The following ZNF2 variants were observed in gnomAD, a reference collection of about 807,000 sequenced individuals.
ZNF2 encodes the protein zinc finger protein 2.2.
In ZNF2, 12 loss-of-function variants were observed where a neutral mutation model predicts 21.9. That is an observed-to-expected ratio of 0.55 (90% CI 0.35 to 0.89). The LOEUF is 0.89. Ranked by LOEUF, ZNF2 falls within the 40% of genes least tolerant of loss-of-function variation. The pLI is 0.01. For synonymous variants in ZNF2, 186 were observed against 196.3 expected (o/e 0.95, Z 0.44); for missense variants, 462 against 544.2 (o/e 0.85, Z 1.50).
chr2:95,169,527 G>A (rs1464757518), intron 1 of ZNF2, among the ~76,000 whole-genome samples: 1 of 152,122 alleles, frequency 6.6e-6, no homozygotes, highest in African/African-American at 2.4e-5. Context: ...TGCCAAGGTG[G>A]GGAGATCACC....
intron 3 of ZNF2, among the ~76,000 whole-genome samples, chr2:95,177,981 C>T (rs927153423): frequency 6.6e-6 from 1 of 152,164 alleles, no homozygotes; most frequent in African/African-American, 2.4e-5. Context: ...GCCCAGTTCT[C>T]CCAGTTCGCC....
At chr2:95,177,372 T>C in intron 2 of ZNF2, 111 bp from the exon 3 acceptor site, 1 of 1,331,848 alleles carries the variant, frequency 7.5e-7, no homozygotes, top group Non-Finnish European at 1.0e-6. Flanking sequence ...TCAGAACTGT[T>C]TTTCTTTCCT....
At position 95,182,033 on chromosome 2, in the gene ZNF2, G is replaced by A; in HGVS notation, c.1205G>A (p.Cys402Tyr). 2.5e-6 allele frequency: 4 copies of A among 1,613,954 alleles called. No individual in the cohort carries two copies. Among genetic ancestry groups the A allele is most frequent in the Non-Finnish European group, 8.5e-7 (1 of 1,179,798 alleles). The change falls in exon 5 of 5, where the codon TGT (cysteine) becomes TAT (tyrosine). Residue 402 changes from cysteine to tyrosine, a missense_variant. Transcript: ENST00000614034. The part of the protein sequence containing the change: ...TGEKPFECTV[C>Y]GKVFSSKSSV... The stretch of plus-strand genomic sequence containing the variant: ...GAGAAGCCCTTTGAATGCACTGTGT[G>A]TGGGAAAGTTTTCAGTTCAAAATCT...
Position 95,180,225 on chromosome 2 carries a change from A to G in ZNF2, c.227A>G (p.Asp76Gly). Residue 76 changes from aspartate (D) to glycine (G), a missense_variant, in exon 4 of 5, where the codon GAT becomes GGT. Physicochemically the swap from Asp to Gly is moderately conservative, Grantham distance 94 (BLOSUM62 -1). Transcript: ENST00000614034. Reference sequence around the variant, plus strand: ...AGAGGGGACAAGCCGTGGATGGTAGATCTTCATGGGTCTGAGGAGAGAGAA... The same window carrying G: ...AGAGGGGACAAGCCGTGGATGGTAGGTCTTCATGGGTCTGAGGAGAGAGAA... ...LKRGDKPWMV[D>G]LHGSEEREWP... 1 of 1,614,096 alleles carries G rather than the reference A, an allele frequency of 6.2e-7. No homozygotes were observed. Among genetic ancestry groups the G allele is most frequent in the Non-Finnish European group, 8.5e-7 (1 of 1,180,002 alleles).
rs781079960 is a variant in ZNF2, at chr2:95,181,996, G to A, written c.1168G>A (p.Val390Ile). The A allele has an allele frequency of 2.8e-5, 46 of 1,614,278 alleles. No homozygotes were observed. The highest frequency in any genetic ancestry group is 3.7e-5 in the Non-Finnish European group (44 of 1,180,054). The change falls in exon 5 of 5, where the codon GTC becomes ATC. Residue 390 changes from valine to isoleucine, a missense_variant. Physicochemically the swap from Val to Ile is conservative, Grantham distance 29 (BLOSUM62 3). Coordinates refer to ENST00000614034, the MANE Select transcript of ZNF2 (RefSeq NM_021088.4). ...QRCRLTRHQR[V>I]HTGEKPFECT... ...GTGCCGGCTCACGCGGCATCAGCGT[G>A]TCCACACGGGAGAGAAGCCCTTTGA...
chr2:95,182,083 T>TATA lies in ZNF2; in HGVS notation c.1256_1257insTAA (p.Tyr419_Ala420insAsn). The TATA allele has an allele frequency of 6.2e-7, 1 of 1,608,580 alleles. No individual in the cohort carries two copies. Among genetic ancestry groups the TATA allele is most frequent in the African/African-American group, 1.3e-5 (1 of 74,962 alleles). ...TTCTGTTATTCAACATCAACGGCGTTACGCCAAACAGGGAATAGACTGAGT... is the reference window on the plus strand; with the variant it reads ...TTCTGTTATTCAACATCAACGGCGTTATAACGCCAAACAGGGAATAGACTGAGT... On this transcript the variant is annotated inframe_insertion, in exon 5 of 5. Transcript: ENST00000614034.
chr2:95,176,378 A>C, intron 2 of ZNF2, 119 bp downstream of exon 2: 1 of 1,193,590 alleles, frequency 8.4e-7, no homozygotes, highest in Non-Finnish European at 1.2e-6. Context: ...AGGACTCCAC[A>C]GGGAGTATTT....
intron 2 of ZNF2, among the ~76,000 whole-genome samples, chr2:95,177,244 A>T (rs1261624627): frequency 6.6e-6 from 1 of 152,226 alleles, no homozygotes; most frequent in Non-Finnish European, 1.5e-5. Context: ...GAAGTCTGAA[A>T]AAAGAGTCTG....
At chr2:95,166,311 AAAC>A (rs1440934442) in intron 1 of ZNF2, among the ~76,000 whole-genome samples, 6 of 152,144 alleles carry the variant, frequency 3.9e-5, no homozygotes, top group African/African-American at 7.2e-5. Flanking sequence ...CGTGAAAGAA[AAAC>A]AACAACAACA....
chr2:95,181,792 T>C lies in ZNF2; in HGVS notation c.964T>C (p.Phe322Leu). ...TGAGTGTAACGAGTGCGGGAAAGCT[T>C]TCTATGGTGTCTCGTCTCTGAATAG... Reference protein sequence around the residue: ...PYECNECGKAFYGVSSLNRHQ... With the variant: ...PYECNECGKALYGVSSLNRHQ... Residue 322 changes from phenylalanine (F) to leucine (L), a missense_variant, in exon 5 of 5, where the codon TTC becomes CTC. Phe to Leu is a conservative substitution (Grantham distance 22). Transcript: ENST00000614034. 1 of 1,614,176 alleles carries C rather than the reference T, an allele frequency of 6.2e-7. No homozygotes were observed. Among genetic ancestry groups the C allele is most frequent in the South Asian group, 1.1e-5 (1 of 91,090 alleles).
At chr2:95,178,569 C>G (rs1674526794) in intron 3 of ZNF2, among the ~76,000 whole-genome samples, 1 of 152,126 alleles carries the variant, frequency 6.6e-6, no homozygotes, top group South Asian at 2.1e-4. Flanking sequence ...CACAGAAAAC[C>G]CGGTAGACAA....
At chr2:95,168,502 G>A (rs1469979688) in intron 1 of ZNF2, among the ~76,000 whole-genome samples, 2 of 152,092 alleles carry the variant, frequency 1.3e-5, no homozygotes, top group Non-Finnish European at 2.9e-5. Flanking sequence ...GTGGAACCCA[G>A]GGTATAGGAC....
intron 1 of ZNF2, among the ~76,000 whole-genome samples, 164 bp downstream of exon 1, chr2:95,166,024 G>A (rs1470873736): frequency 1.3e-5 from 2 of 152,130 alleles, no homozygotes; most frequent in African/African-American, 4.8e-5. Flanking sequence ...ACGGAAAGTT[G>A]TGCATCCACC....
In ZNF2 at chr2:95,180,180, A is replaced by G. The variant is rs375263741; in HGVS notation, c.182A>G (p.Asp61Gly). The G allele has an allele frequency of 1.3e-5, 21 of 1,613,860 alleles. No homozygotes were observed. The African/African-American group carries it at 2.5e-4, about 19-fold the overall frequency. ...VSLGLPVPQP[D>G]VIFQLKRGDK... ...GCAGGCCTTCCAGTTCCTCAACCTG[A>G]TGTGATTTTCCAATTGAAGAGAGGG... The change falls in exon 4 of 5, where the codon GAT (aspartate) becomes GGT (glycine). Residue 61 changes from aspartate to glycine, a missense_variant. Coordinates refer to ENST00000614034, the MANE Select transcript of ZNF2 (RefSeq NM_021088.4).
intron 4 of ZNF2, 89 bp downstream of exon 4, chr2:95,180,361 T>G: frequency 1.2e-6 from 1 of 853,352 alleles, no homozygotes; most frequent in South Asian, 1.6e-5. Flanking sequence ...CATCTTTCTC[T>G]CAAATTCAAG....
chr2:95,172,467 G>C (rs1674308267), intron 1 of ZNF2, among the ~76,000 whole-genome samples: 1 of 151,516 alleles, frequency 6.6e-6, no homozygotes. Context: ...ACTTACTCTT[G>C]TTGAAAAAAA....
chr2:95,177,745 G>A, intron 3 of ZNF2, 136 bp downstream of exon 3: 1 of 1,182,584 alleles, frequency 8.5e-7, no homozygotes, highest in South Asian at 1.8e-5. Context: ...CGAAAGATGT[G>A]GCATCAGAGT....
At chr2:95,168,681 A>G (rs1674169477) in intron 1 of ZNF2, among the ~76,000 whole-genome samples, 2 of 152,248 alleles carry the variant, frequency 1.3e-5, no homozygotes, top group African/African-American at 4.8e-5. Context: ...AATGAACTGT[A>G]TGATAAATGC....
At chr2:95,175,521 G>A (rs903935385) in intron 1 of ZNF2, among the ~76,000 whole-genome samples, 27 of 152,246 alleles carry the variant, frequency 1.8e-4, no homozygotes, top group Non-Finnish European at 3.7e-4. Context: ...TTGGTTCCCC[G>A]ATCCTTGTGG....
Sources: allele counts gnomAD v4.1 joint callset (sites outside exome capture counted in the v4.1 genomes callset), GRCh38; gene constraint gnomAD v4.1.1; transcripts MANE v1.5; gene names NCBI Gene and HGNC (gene_info 2026-07-23, HGNC 2026-07-21).